Variants in KCNAB1 observed in about 807,000 individuals in gnomAD.
KCNAB1 encodes potassium voltage-gated channel subfamily A regulatory beta subunit 1, also known as voltage-gated potassium channel subunit beta-1.
KCNAB1 carries 35 observed loss-of-function variants against 64.6 expected under a neutral mutation model. The observed-to-expected ratio is 0.54, with a 90% CI of 0.41 to 0.72. The LOEUF (loss-of-function observed/expected upper bound fraction) is 0.72, where lower values mean the gene tolerates loss of function less well. Ranked by LOEUF, KCNAB1 falls within the 30% of genes least tolerant of loss-of-function variation. The pLI, the probability that KCNAB1 is intolerant of heterozygous loss-of-function variation, is 0.00. For missense variants in KCNAB1, 401 were observed against 512.9 expected, an observed-to-expected ratio of 0.78 and a Z score of 2.11; for synonymous variants, 177 against 183.8, an observed-to-expected ratio of 0.96 and a Z score of 0.30.
intron 8 of KCNAB1, among the ~76,000 whole-genome samples, chr3:156,481,047 C>T (rs1456311860): frequency 1.3e-5 from 2 of 152,114 alleles, no homozygotes; most frequent in African/African-American, 4.8e-5. Flanking sequence ...CAACATATTT[C>T]AAGGAGATGT....
intron 1 of KCNAB1, among the ~76,000 whole-genome samples, chr3:156,300,674 C>G (rs1306000504): frequency 6.6e-6 from 1 of 151,754 alleles, no homozygotes; most frequent in Non-Finnish European, 1.5e-5. Context: ...TTCTGTAAAA[C>G]ATTAAAAAAA....
chr3:156,168,022 G>A (rs375505990), intron 1 of KCNAB1, among the ~76,000 whole-genome samples: 1 of 152,142 alleles, frequency 6.6e-6, no homozygotes, highest in African/African-American at 2.4e-5. Context: ...GGGCAACATG[G>A]TGGAACTCTG....
chr3:156,428,146 T>C (rs914965308), intron 2 of KCNAB1, among the ~76,000 whole-genome samples: 2 of 152,208 alleles, frequency 1.3e-5, no homozygotes, highest in African/African-American at 4.8e-5. Flanking sequence ...GAGGGTGTTT[T>C]GGAATGAGAT....
At chr3:156,133,795 T>A (rs1714135484) in intron 1 of KCNAB1, among the ~76,000 whole-genome samples, 1 of 152,160 alleles carries the variant, frequency 6.6e-6, no homozygotes, top group Non-Finnish European at 1.5e-5. Context: ...CAACTAGACT[T>A]ACACAAGAAT....
At chr3:156,455,792 C>T (rs935372469) in intron 3 of KCNAB1, among the ~76,000 whole-genome samples, 5 of 152,232 alleles carry the variant, frequency 3.3e-5, no homozygotes, top group African/African-American at 1.2e-4. Context: ...AGGCAGCTGC[C>T]GGAAACCTAG....
At chr3:156,349,728 GTT>G (rs974126104) in intron 1 of KCNAB1, among the ~76,000 whole-genome samples, 40 of 152,058 alleles carry the variant, frequency 2.6e-4, no homozygotes, top group African/African-American at 8.7e-4. Flanking sequence ...ACCCAGCAAA[GTT>G]TTTTTGTATT....
At chr3:156,481,336 G>C (rs1714780747) in intron 8 of KCNAB1, among the ~76,000 whole-genome samples, 2 of 150,976 alleles carry the variant, frequency 1.3e-5, no homozygotes, top group South Asian at 4.2e-4. Flanking sequence ...GAAAGCCCGG[G>C]ACAGTTGAGT....
intron 1 of KCNAB1, among the ~76,000 whole-genome samples, chr3:156,395,571 A>AAAAAAAAAAAC (rs1713394916): frequency 1.4e-5 from 2 of 140,018 alleles, no homozygotes. Context: ...AAAAAAAAAA[A>AAAAAAAAAAAC]AAAAAAAAAA....
chr3:156,309,305 G>T (rs915338991), intron 1 of KCNAB1, among the ~76,000 whole-genome samples: 1 of 152,178 alleles, frequency 6.6e-6, no homozygotes, highest in South Asian at 2.1e-4. Flanking sequence ...GTATCATGTA[G>T]ATACAGCTTT....
chr3:156,267,426 C>T (rs934925956), intron 1 of KCNAB1, among the ~76,000 whole-genome samples: 3 of 152,128 alleles, frequency 2.0e-5, no homozygotes, highest in African/African-American at 7.2e-5. Context: ...ACCCTTGACC[C>T]CCAACCAGAA....
At chr3:156,186,197 ATC>A (rs1713179078) in intron 1 of KCNAB1, among the ~76,000 whole-genome samples, 1 of 152,072 alleles carries the variant, frequency 6.6e-6, no homozygotes, top group Non-Finnish European at 1.5e-5. Flanking sequence ...TTAGTGTTTC[ATC>A]TCTCTTTTCA....
intron 1 of KCNAB1, among the ~76,000 whole-genome samples, chr3:156,149,465 A>AT (rs1250669011): frequency 1.3e-5 from 2 of 152,186 alleles, no homozygotes; most frequent in African/African-American, 4.8e-5. Flanking sequence ...AGGGCAGAGA[A>AT]TTTGAAGGCA....
At chr3:156,419,068 G>C (rs1350112330) in intron 1 of KCNAB1, among the ~76,000 whole-genome samples, 1 of 152,076 alleles carries the variant, frequency 6.6e-6, no homozygotes. Flanking sequence ...TCTCATGTTT[G>C]GTCTTCAAAA....
At chr3:156,359,047 A>G (rs761634391) in intron 1 of KCNAB1, among the ~76,000 whole-genome samples, 1 of 152,218 alleles carries the variant, frequency 6.6e-6, no homozygotes, top group Non-Finnish European at 1.5e-5. Context: ...AAATAAACCA[A>G]TATTGGGCTT....
intron 1 of KCNAB1, among the ~76,000 whole-genome samples, chr3:156,234,624 A>G (rs1437103746): frequency 6.6e-6 from 1 of 152,048 alleles, no homozygotes; most frequent in African/African-American, 2.4e-5. Context: ...AGGTGTGAAG[A>G]ATGGGAAGAT....
chr3:156,381,472 A>C (rs948237904), intron 1 of KCNAB1, among the ~76,000 whole-genome samples: 2 of 152,188 alleles, frequency 1.3e-5, no homozygotes, highest in African/African-American at 4.8e-5. Context: ...TCACTCCTTC[A>C]CCAAGGCTGG....
At chr3:156,502,383 C>T (rs1007341818) in intron 8 of KCNAB1, among the ~76,000 whole-genome samples, 11 of 151,804 alleles carry the variant, frequency 7.2e-5, no homozygotes, top group Non-Finnish European at 1.6e-4. Context: ...GAAACAGACA[C>T]TAGCATTTAT....
chr3:156,267,408 C>A (rs926143511), intron 1 of KCNAB1, among the ~76,000 whole-genome samples: 1 of 152,180 alleles, frequency 6.6e-6, no homozygotes, highest in African/African-American at 2.4e-5. Flanking sequence ...GCCTAAAATA[C>A]TATTTGTACC....
upstream of KCNAB1, among the ~76,000 whole-genome samples, chr3:156,119,767 T>C (rs1713235396): frequency 6.6e-6 from 1 of 152,162 alleles, no homozygotes; most frequent in African/African-American, 2.4e-5. Context: ...CCATGCATCT[T>C]AACCATAGGG....
Sources: gnomAD v4.1 joint callset for allele counts (sites outside exome capture counted in the v4.1 genomes callset) on GRCh38, gnomAD v4.1.1 for gene constraint, MANE v1.5 for transcripts, NCBI Gene and HGNC (gene_info 2026-07-23, HGNC 2026-07-21) for gene names.